The following MAGI2 variants were observed in gnomAD, a reference collection of about 807,000 sequenced individuals.
MAGI2 encodes the protein membrane associated guanylate kinase, WW and PDZ domain containing 2, also known as membrane-associated guanylate kinase, WW and PDZ domain-containing protein 2.
In MAGI2, 35 loss-of-function variants were observed where a neutral mutation model predicts 133.3. The ratio of observed to expected loss-of-function variants is 0.26; its 90% CI spans 0.20 to 0.35. The LOEUF (loss-of-function observed/expected upper bound fraction) is 0.35, where lower values mean the gene tolerates loss of function less well. Among genes scored for constraint, MAGI2 ranks in the 10% least tolerant of loss-of-function variants. The pLI is 1.00. For synonymous variants in MAGI2, 729 were observed against 710.6 expected (o/e 1.03, Z -0.41); for missense variants, 1,636 against 1,863.4 (o/e 0.88, Z 2.25).
At chr7:78,243,375 A>G (rs1315984763) in intron 10 of MAGI2, among the ~76,000 whole-genome samples, 1 of 152,188 alleles carries the variant, frequency 6.6e-6, no homozygotes, top group East Asian at 1.9e-4. Context: ...TTTTTTCTGT[A>G]AATTCAAAGC....
chr7:78,493,259 T>C (rs1271798593), intron 5 of MAGI2, among the ~76,000 whole-genome samples: 2 of 152,230 alleles, frequency 1.3e-5, no homozygotes, highest in African/African-American at 2.4e-5. Flanking sequence ...AGCTTAACTT[T>C]TGCCAAACTG....
At chr7:78,640,630 A>G (rs1463568713) in intron 2 of MAGI2, among the ~76,000 whole-genome samples, 1 of 152,018 alleles carries the variant, frequency 6.6e-6, no homozygotes, top group Admixed American at 6.6e-5. Context: ...GGTGAATACC[A>G]ACCAGTAGCA....
At chr7:78,340,382 G>A (rs1562852785) in intron 9 of MAGI2, among the ~76,000 whole-genome samples, 1 of 152,140 alleles carries the variant, frequency 6.6e-6, no homozygotes, top group Non-Finnish European at 1.5e-5. Context: ...GAGATACAAA[G>A]AGGAGATGGT....
chr7:78,350,826 A>G (rs1288686603), intron 7 of MAGI2, among the ~76,000 whole-genome samples: 8 of 152,164 alleles, frequency 5.3e-5, no homozygotes, highest in Non-Finnish European at 1.2e-4. Flanking sequence ...TATCAAAGCC[A>G]TTCCCCGACC....
intron 2 of MAGI2, among the ~76,000 whole-genome samples, chr7:78,990,638 T>A (rs554299322): frequency 6.6e-6 from 1 of 152,076 alleles, no homozygotes; most frequent in African/African-American, 2.4e-5. Context: ...TGCTCACTAT[T>A]TTGAAAAAAA....
At chr7:78,608,835 C>T (rs146261988) in intron 3 of MAGI2, among the ~76,000 whole-genome samples, 166 of 152,308 alleles carry the variant, frequency 1.1e-3, no homozygotes, top group African/African-American at 3.8e-3. Flanking sequence ...TGCTAGTTAG[C>T]TGACTGGCTG....
In MAGI2 at chr7:78,043,677, C is replaced by T. The variant is rs1358730597; in HGVS notation, c.3707-23701G>A. ...AACGGATGTACAGACAATGTCTTCA[C>T]GGTCAACTTTTCACATCGTCGTTTG... is the stretch of plus-strand genomic sequence containing the variant. On this transcript the variant is annotated intron_variant, in intron 21 of 21. Coordinates refer to ENST00000354212, the MANE Select transcript of MAGI2 (RefSeq NM_012301.4). Among the ~76,000 whole-genome samples the T allele has an allele frequency of 9.9e-5, 15 of 152,274 alleles. No individual in the cohort carries two copies. The East Asian group carries it at 1.7e-3, about 18-fold the overall frequency.
intron 1 of MAGI2, among the ~76,000 whole-genome samples, chr7:79,226,724 C>T (rs756523730): frequency 2.0e-5 from 3 of 152,142 alleles, no homozygotes; most frequent in African/African-American, 4.8e-5. Context: ...TTTACTTTCA[C>T]GCCCAATCTA....
intron 2 of MAGI2, among the ~76,000 whole-genome samples, chr7:78,810,306 A>G (rs1364184951): frequency 6.6e-6 from 1 of 152,074 alleles, no homozygotes; most frequent in Non-Finnish European, 1.5e-5. Context: ...GATCATATTC[A>G]CTCTTGGAGA....
At chr7:78,201,547 T>C (rs1430127042) in intron 10 of MAGI2, among the ~76,000 whole-genome samples, 1 of 152,238 alleles carries the variant, frequency 6.6e-6, no homozygotes, top group Non-Finnish European at 1.5e-5. Context: ...GATATTGACA[T>C]ACATTTTGAT....
chr7:78,611,027 T>G (rs1334544942), intron 3 of MAGI2, among the ~76,000 whole-genome samples: 2 of 152,214 alleles, frequency 1.3e-5, no homozygotes, highest in Non-Finnish European at 1.5e-5. Flanking sequence ...GCTTCAGGTT[T>G]CTCCTCTGTA....
rs907837142 is a variant in MAGI2 at position 78,501,324 on chromosome 7, T to C, written c.965+253A>G. Among the ~76,000 whole-genome samples the C allele has an allele frequency of 9.2e-5, 14 of 152,100 alleles. 1 individual carries two copies. The highest frequency in any genetic ancestry group is 4.4e-5 in the Non-Finnish European group (3 of 68,014). On this transcript the variant is annotated intron_variant, in intron 5 of 21. Transcript: ENST00000354212. The stretch of plus-strand genomic sequence containing the variant: ...ATTCAATAATAACATCACATGGAGA[T>C]TTGTCTTTTTTAGTCATAATTATAA...
intron 6 of MAGI2, among the ~76,000 whole-genome samples, chr7:78,392,995 A>T (rs1055245813): frequency 2.0e-5 from 3 of 152,134 alleles, no homozygotes; most frequent in African/African-American, 7.2e-5. Flanking sequence ...AGTACATAGC[A>T]CATATCCATG....
At chr7:78,180,701 T>A (rs1472132194) in intron 13 of MAGI2, among the ~76,000 whole-genome samples, 1 of 152,086 alleles carries the variant, frequency 6.6e-6, no homozygotes, top group Non-Finnish European at 1.5e-5. Context: ...TCATCTTCAC[T>A]CTTCCATTCT....
At chr7:78,654,823 C>T (rs1316252701) in intron 2 of MAGI2, among the ~76,000 whole-genome samples, 1 of 149,494 alleles carries the variant, frequency 6.7e-6, no homozygotes, top group Non-Finnish European at 1.5e-5. Context: ...TATTGCTCTA[C>T]TGCTCTCTTG....
intron 14 of MAGI2, chr7:78,170,178 G>T (rs965334184): frequency 5.3e-5 from 8 of 152,296 alleles, no homozygotes; most frequent in Middle Eastern, 3.4e-3. Flanking sequence ...GTATAGCTCT[G>T]ATTCTAACTG....
Position 78,127,385 on chromosome 7 carries a change from C to T in MAGI2, c.3235G>A (p.Val1079Met), listed in dbSNP as rs780036391. Reference sequence around the variant, plus strand: ...GGAGGCTGTCGGATGTCTGGTTTCACATCTTGCCTTGCTTTCACTTCCGAC... The same window carrying T: ...GGAGGCTGTCGGATGTCTGGTTTCATATCTTGCCTTGCTTTCACTTCCGAC... ...YRSEVKARQDVKPDIRQPPFT... is the reference protein window; with the variant it reads ...YRSEVKARQDMKPDIRQPPFT... Residue 1079 changes from valine to methionine, a missense_variant, in exon 19 of 22, where the codon GTG becomes ATG. This residue lies in a region of MAGI2 where 920 missense variants were observed against 1,093.5 expected (regional missense o/e 0.84). Transcript: ENST00000354212. 1.2e-6 allele frequency: 2 copies of T among 1,606,292 alleles called. No homozygotes were observed. Among genetic ancestry groups the T allele is most frequent in the South Asian group, 2.2e-5 (2 of 91,050 alleles).
chr7:78,639,530 C>T (rs996746819), intron 2 of MAGI2, among the ~76,000 whole-genome samples: 51 of 152,078 alleles, frequency 3.4e-4, no homozygotes, highest in African/African-American at 1.1e-3. Context: ...CTTATGTTCA[C>T]GATACTAGCT....
chr7:78,757,612 T>C (rs939721269), intron 2 of MAGI2, among the ~76,000 whole-genome samples: 3 of 152,220 alleles, frequency 2.0e-5, no homozygotes, highest in African/African-American at 7.2e-5. Context: ...TCATCTTATA[T>C]GACTTAACAG....
Sources: gnomAD v4.1 joint callset for allele counts (sites outside exome capture counted in the v4.1 genomes callset) on GRCh38, gnomAD v4.1.1 for gene constraint, gnomAD v4.1.1 regional missense constraint, MANE v1.5 for transcripts, NCBI Gene and HGNC (gene_info 2026-07-23, HGNC 2026-07-21) for gene names.